The following SLC7A11 variants were observed in gnomAD, a reference collection of about 807,000 sequenced individuals.
SLC7A11 encodes cystine/glutamate transporter.
Under a neutral mutation model 54.5 loss-of-function variants are expected in SLC7A11, and 35 were observed. The ratio of observed to expected loss-of-function variants is 0.64; its 90% CI spans 0.49 to 0.85. The LOEUF (loss-of-function observed/expected upper bound fraction) is 0.85. Ranked by LOEUF, SLC7A11 falls within the 40% of genes least tolerant of loss-of-function variation. SLC7A11 has a pLI of 0.00. For missense variants in SLC7A11, 583 were observed against 618.1 expected (o/e 0.94, Z 0.60); for synonymous variants, 230 against 225.2 (o/e 1.02, Z -0.19).
chr4:138,218,730 A>G (rs1737736848), intron 5 of SLC7A11, among the ~76,000 whole-genome samples: 1 of 152,178 alleles, frequency 6.6e-6, no homozygotes, highest in South Asian at 2.1e-4. Flanking sequence ...TAAATGTAAT[A>G]GACTGTCTAG....
chr4:138,237,732 T>C lies in SLC7A11; in HGVS notation c.278-1281A>G, dbSNP rs1310109191. Among the ~76,000 whole-genome samples the C allele has an allele frequency of 1.9e-3, 25 of 13,418 alleles. 1 individual carries two copies. The highest frequency in any genetic ancestry group is 6.7e-3 in the African/African-American group (23 of 3,414). 8.8% of individuals were successfully genotyped at this position (13,418 alleles called of 152,430 possible). A position where few individuals can be genotyped will look rare whatever the true frequency, so the allele number is the denominator to read the frequency against. On this transcript the variant is annotated intron_variant, in intron 1 of 11. Transcript: ENST00000280612. ...ATATATATATATATATATATATATA[T>C]ATATATTTTTTTTTTTTTTTTTTTT...
At chr4:138,235,219 A>T (rs967731476) in intron 2 of SLC7A11, among the ~76,000 whole-genome samples, 4 of 152,188 alleles carry the variant, frequency 2.6e-5, no homozygotes, top group Non-Finnish European at 5.9e-5. Context: ...AGGATTTAAG[A>T]TGACCTTTGA....
chr4:138,179,143 T>C (rs770676577), intron 11 of SLC7A11, 74 bp downstream of exon 11: 3 of 973,166 alleles, frequency 3.1e-6, no homozygotes, highest in Non-Finnish European at 4.8e-6. Flanking sequence ...ATGTTAAGTA[T>C]ATTATGTATG....
At chr4:138,219,445 G>A (rs748450603) in intron 4 of SLC7A11, 80 bp from the exon 5 acceptor site, 8 of 777,668 alleles carry the variant, frequency 1.0e-5, no homozygotes, top group Admixed American at 2.0e-5. Context: ...ATGGGGGTGC[G>A]GAGAAACATA....
chr4:138,202,094 A>C (rs1374422231), intron 6 of SLC7A11, among the ~76,000 whole-genome samples: 1 of 152,132 alleles, frequency 6.6e-6, no homozygotes, highest in Admixed American at 6.6e-5. Context: ...CTTGAGAAAA[A>C]TAATGAATCA....
intron 6 of SLC7A11, among the ~76,000 whole-genome samples, chr4:138,194,692 T>C (rs1737089528): frequency 6.6e-6 from 1 of 152,204 alleles, no homozygotes; most frequent in African/African-American, 2.4e-5. Flanking sequence ...CTGATATTTG[T>C]ATTCACTTGA....
intron 6 of SLC7A11, among the ~76,000 whole-genome samples, chr4:138,205,907 T>C (rs1737394200): frequency 6.6e-6 from 1 of 152,064 alleles, no homozygotes; most frequent in African/African-American, 2.4e-5. Context: ...CTCATTTTGG[T>C]TGTTATCTAT....
intron 1 of SLC7A11, among the ~76,000 whole-genome samples, chr4:138,237,071 T>C (rs1056451950): frequency 6.8e-6 from 1 of 147,202 alleles, no homozygotes; most frequent in Non-Finnish European, 1.5e-5. Flanking sequence ...CTGCAAGCTC[T>C]GCCTCCTGGG....
chr4:138,235,554 G>A (rs568330128), intron 2 of SLC7A11, among the ~76,000 whole-genome samples: 42 of 152,282 alleles, frequency 2.8e-4, no homozygotes, highest in African/African-American at 9.6e-4. Context: ...AGTTTCCCTA[G>A]TAATATCCAT....
chr4:138,196,766 T>C (rs1337855111), intron 6 of SLC7A11, among the ~76,000 whole-genome samples: 1 of 152,114 alleles, frequency 6.6e-6, no homozygotes, highest in Admixed American at 6.5e-5. Flanking sequence ...TTCAGGCAAT[T>C]CTTCTGCTTC....
intron 2 of SLC7A11, 116 bp downstream of exon 2, chr4:138,236,209 C>G: frequency 1.3e-6 from 1 of 780,128 alleles, no homozygotes; most frequent in South Asian, 2.1e-5. Context: ...CTGAGGTAGA[C>G]ATGTTTATCA....
intron 6 of SLC7A11, among the ~76,000 whole-genome samples, chr4:138,206,173 T>C (rs1056882217): frequency 6.6e-6 from 1 of 151,860 alleles, no homozygotes; most frequent in Non-Finnish European, 1.5e-5. Context: ...TCCCCTCTAA[T>C]TTTGAAATTC....
rs142737550 is a variant in SLC7A11, at chr4:138,222,358, T to C, written c.646+841A>G. Among the ~76,000 whole-genome samples, 540 of 152,374 alleles carry C rather than the reference T, an allele frequency of 3.5e-3. 2 individuals are homozygous for C. Among genetic ancestry groups the C allele is most frequent in the African/African-American group, 0.011 (463 of 41,586 alleles). On this transcript the variant is annotated intron_variant, in intron 4 of 11. Coordinates refer to ENST00000280612, the MANE Select transcript of SLC7A11 (RefSeq NM_014331.4). ...TCATTAAATTTCTCTAGATTCCCTT[T>C]CTTGGAACAGACAATATCAATGTAA...
At chr4:138,214,263 G>A (rs1395552460) in intron 6 of SLC7A11, among the ~76,000 whole-genome samples, 10 of 151,864 alleles carry the variant, frequency 6.6e-5, no homozygotes, top group Admixed American at 2.0e-4. Context: ...TTTAGAGTCC[G>A]TATTAAGTTA....
chr4:138,237,224 T>C (rs1257278308), intron 1 of SLC7A11, among the ~76,000 whole-genome samples: 1 of 151,902 alleles, frequency 6.6e-6, no homozygotes, highest in African/African-American at 2.4e-5. Context: ...CCTGACCTCA[T>C]GATCTGCCCG....
chr4:138,166,745 G>A lies in SLC7A11; in HGVS notation c.*5211C>T, dbSNP rs1008332070. On this transcript the variant is annotated 3_prime_UTR_variant, in exon 12 of 12. Coordinates refer to ENST00000280612, the MANE Select transcript of SLC7A11 (RefSeq NM_014331.4). Reference sequence around the variant, plus strand: ...AACACACACATGTAACAGCTATTAGGACACTGTAACCGTCCTCTGTGTATT... The same window carrying A: ...AACACACACATGTAACAGCTATTAGAACACTGTAACCGTCCTCTGTGTATT... The A allele has an allele frequency of 6.6e-6, 1 of 152,346 alleles. No homozygotes were observed. Among genetic ancestry groups the A allele is most frequent in the African/African-American group, 2.4e-5 (1 of 41,428 alleles). 9.4% of individuals were successfully genotyped at this position (152,346 alleles called of 1,614,324 possible).
chr4:138,207,291 C>G (rs889745971), intron 6 of SLC7A11, among the ~76,000 whole-genome samples: 1 of 151,948 alleles, frequency 6.6e-6, no homozygotes, highest in East Asian at 1.9e-4. Context: ...AAAAAGATTA[C>G]AAAATACAAT....
At chr4:138,220,356 T>TGAGA (rs1737782969) in intron 4 of SLC7A11, among the ~76,000 whole-genome samples, 1 of 152,212 alleles carries the variant, frequency 6.6e-6, no homozygotes, top group Non-Finnish European at 1.5e-5. Context: ...ATAGCAGAGT[T>TGAGA]GAGACCATAC....
intron 6 of SLC7A11, among the ~76,000 whole-genome samples, chr4:138,195,548 C>T (rs1433405639): frequency 6.6e-6 from 1 of 150,406 alleles, no homozygotes; most frequent in Non-Finnish European, 1.5e-5. Flanking sequence ...TGGCATGCTG[C>T]TCCCCCTAGA....
Sources: allele counts gnomAD v4.1 joint callset (sites outside exome capture counted in the v4.1 genomes callset), GRCh38; gene constraint gnomAD v4.1.1; transcripts MANE v1.5; gene names NCBI Gene and HGNC (gene_info 2026-07-23, HGNC 2026-07-21).